UBXN2B: variants seen among roughly 807,000 people sequenced by gnomAD.
UBXN2B encodes UBX domain-containing protein 2B.
A neutral mutation model predicts 37.5 loss-of-function variants in UBXN2B; 19 were observed. The observed-to-expected ratio is 0.51, with a 90% CI of 0.35 to 0.74. The LOEUF (loss-of-function observed/expected upper bound fraction) is 0.74, where lower values mean the gene tolerates loss of function less well. UBXN2B is among the 30% of genes least tolerant of loss of function. UBXN2B has a pLI of 0.01. For missense variants in UBXN2B, 370 were observed against 393.2 expected (o/e 0.94, Z 0.50); for synonymous variants, 145 against 143.8 (o/e 1.01, Z -0.06).
At position 58,449,452 on chromosome 8, in the gene UBXN2B, T is replaced by G. The variant is rs938114505; in HGVS notation, c.*1901T>G. ...TCTGAGTCTCACCAACTCAAAAGTCTCAAATCTCACATTGAAGCCATCTAA... is the reference window on the plus strand; with the variant it reads ...TCTGAGTCTCACCAACTCAAAAGTCGCAAATCTCACATTGAAGCCATCTAA... On this transcript the variant is annotated 3_prime_UTR_variant, in exon 8 of 8. Coordinates refer to ENST00000399598, the MANE Select transcript of UBXN2B (RefSeq NM_001077619.2). The G allele has an allele frequency of 3.9e-5, 6 of 152,198 alleles. No homozygotes were observed. The highest frequency in any genetic ancestry group is 1.2e-4 in the African/African-American group (5 of 41,444). 9.4% of individuals were successfully genotyped at this position (152,198 alleles called of 1,614,324 possible).
At chr8:58,439,005 A>G (rs1385160797) in intron 5 of UBXN2B, among the ~76,000 whole-genome samples, 1 of 152,116 alleles carries the variant, frequency 6.6e-6, no homozygotes, top group Admixed American at 6.5e-5. Flanking sequence ...TGGTTGTTTA[A>G]TAGCCTGGAA....
At position 58,430,567 on chromosome 8, in the gene UBXN2B, T is replaced by G. The variant is rs748474315; in HGVS notation, c.237T>G (p.Pro79=). ...ACAGTGGATTAAATATAGTTCGACC[T>G]TCAACTGGGAAAATTGTGAATGAAC... ...HEYSGLNIVR[P]STGKIVNELF... is the part of the protein sequence containing the mutation. The change falls in exon 3 of 8, where the codon CCT becomes CCG. Residue 79 remains proline (P), a synonymous_variant. Coordinates refer to ENST00000399598, the MANE Select transcript of UBXN2B (RefSeq NM_001077619.2). The G allele has an allele frequency of 1.5e-5, 24 of 1,605,874 alleles. No individual in the cohort carries two copies. The Admixed American group carries it at 4.1e-4, about 27-fold the overall frequency.
chr8:58,431,774 A>G (rs2129604221), intron 3 of UBXN2B, among the ~76,000 whole-genome samples: 1 of 152,318 alleles, frequency 6.6e-6, no homozygotes, highest in Admixed American at 6.5e-5. Context: ...TATAGTGATA[A>G]CATGCCATGG....
intron 2 of UBXN2B, chr8:58,425,670 C>G (rs1808064179): frequency 6.8e-6 from 8 of 1,172,326 alleles, no homozygotes; most frequent in Admixed American, 3.4e-5. Flanking sequence ...AGCTAATTTG[C>G]TTAGTTCTCG....
intron 2 of UBXN2B, chr8:58,425,074 C>A (rs1336933181): frequency 1.3e-6 from 1 of 785,196 alleles, no homozygotes; most frequent in African/African-American, 1.7e-5. Flanking sequence ...CAGCACACCC[C>A]TGGGGTCAAT....
At chr8:58,435,179 G>T in intron 5 of UBXN2B, 2 of 1,301,940 alleles carry the variant, frequency 1.5e-6, no homozygotes, top group South Asian at 3.2e-5. Context: ...GGGGAATTAA[G>T]TTGTAGGAAA....
At chr8:58,433,526 A>G (rs1429494539) in intron 4 of UBXN2B, among the ~76,000 whole-genome samples, 3 of 151,798 alleles carry the variant, frequency 2.0e-5, no homozygotes, top group Admixed American at 1.3e-4. Context: ...TGGAGTCCCA[A>G]CTACTCCAGA....
Position 58,411,361 on chromosome 8 carries a change from A to G in UBXN2B, c.-25A>G. The G allele has an allele frequency of 2.4e-6, 3 of 1,268,372 alleles. No individual in the cohort carries two copies. Among genetic ancestry groups the G allele is most frequent in the Non-Finnish European group, 2.0e-6 (2 of 1,004,312 alleles). 78.6% of individuals were successfully genotyped at this position (1,268,372 alleles called of 1,614,324 possible). A position where few individuals can be genotyped will look rare whatever the true frequency, so the allele number is the denominator to read the frequency against. On this transcript the variant is annotated 5_prime_UTR_variant, in exon 1 of 8. Coordinates refer to ENST00000399598, the MANE Select transcript of UBXN2B (RefSeq NM_001077619.2). ...CGGAAGTTGCGGCAGGTGCGTCCGCAGCGGGCGCCGCTAGCCAGCGGAAGA... is the reference window on the plus strand; with the variant it reads ...CGGAAGTTGCGGCAGGTGCGTCCGCGGCGGGCGCCGCTAGCCAGCGGAAGA...
chr8:58,439,273 T>G (rs1005740183), intron 5 of UBXN2B, among the ~76,000 whole-genome samples: 4 of 152,226 alleles, frequency 2.6e-5, no homozygotes, highest in African/African-American at 9.7e-5. Context: ...TTTTCAGAAC[T>G]TTCTCCGAGG....
At chr8:58,435,011 A>G in intron 5 of UBXN2B, 2 of 1,514,136 alleles carry the variant, frequency 1.3e-6, no homozygotes, top group Admixed American at 2.0e-5. Context: ...ACCCATCCAA[A>G]GAACATTGTA....
chr8:58,448,058 T>G lies in UBXN2B; in HGVS notation c.*507T>G, dbSNP rs1455472842. The G allele has an allele frequency of 6.6e-6, 1 of 152,280 alleles. No homozygotes were observed. Among genetic ancestry groups the G allele is most frequent in the Non-Finnish European group, 1.5e-5 (1 of 68,082 alleles). 9.4% of individuals were successfully genotyped at this position (152,280 alleles called of 1,614,324 possible). On this transcript the variant is annotated 3_prime_UTR_variant, in exon 8 of 8. Coordinates refer to ENST00000399598, the MANE Select transcript of UBXN2B (RefSeq NM_001077619.2). ...TCTCCTATTAAGATTTTACACATCC[T>G]TTTTACTTACTGATTTAGATATATT... is the stretch of plus-strand genomic sequence containing the variant.
At chr8:58,443,250 G>A (rs972887617) in intron 6 of UBXN2B, among the ~76,000 whole-genome samples, 2 of 152,158 alleles carry the variant, frequency 1.3e-5, no homozygotes, top group African/African-American at 4.8e-5. Context: ...CTTCAAGCTG[G>A]TCATTTCCAT....
rs571484616 is a variant in UBXN2B, at chr8:58,450,817, C to T, written c.*3266C>T. On this transcript the variant is annotated 3_prime_UTR_variant, in exon 8 of 8. Coordinates refer to ENST00000399598, the MANE Select transcript of UBXN2B (RefSeq NM_001077619.2). ...GTTTATTTCAAAGAGGTGAATTTAC[C>T]TGTGCTAGGGTTTTCACACTGGGAG... 4 of 152,144 alleles carry T rather than the reference C, an allele frequency of 2.6e-5. No homozygotes were observed. Among genetic ancestry groups the T allele is most frequent in the Non-Finnish European group, 4.4e-5 (3 of 68,036 alleles). The allele number at this position is 152,144 out of a possible 1,614,324, so 9.4% of individuals were successfully genotyped here.
chr8:58,440,879 C>A (rs1051680817), intron 6 of UBXN2B, among the ~76,000 whole-genome samples: 1 of 152,166 alleles, frequency 6.6e-6, no homozygotes, highest in Non-Finnish European at 1.5e-5. Flanking sequence ...AAAGGAAATA[C>A]AGGAATTTAT....
intron 6 of UBXN2B, among the ~76,000 whole-genome samples, chr8:58,445,460 A>G (rs1247793003): frequency 6.6e-6 from 1 of 152,212 alleles, no homozygotes; most frequent in Non-Finnish European, 1.5e-5. Context: ...TAGGCACAAT[A>G]TTAAGGACTT....
Position 58,445,933 on chromosome 8 carries a change from C to T in UBXN2B, c.698C>T (p.Pro233Leu). 1 of 1,609,738 alleles carries T rather than the reference C, an allele frequency of 6.2e-7. No homozygotes were observed. Among genetic ancestry groups the T allele is most frequent in the Non-Finnish European group, 8.5e-7 (1 of 1,178,538 alleles). The change falls in exon 7 of 8, where the codon CCT (proline) becomes CTT (leucine). Residue 233 changes from proline to leucine, a missense_variant. By Grantham distance (98) the Pro-to-Leu change is moderately conservative. This residue lies in a region of UBXN2B where 90 missense variants were observed against 139.4 expected (regional missense o/e 0.65). Coordinates refer to ENST00000399598, the MANE Select transcript of UBXN2B (RefSeq NM_001077619.2). The stretch of plus-strand genomic sequence containing the variant: ...CTTACACCTGAAATAGTCAGTACAC[C>T]TTCCTCTCCAGAAGAGGAGGATAAA... Reference protein sequence around the residue: ...GSLTPEIVSTPSSPEEEDKSI... With the variant: ...GSLTPEIVSTLSSPEEEDKSI...
intron 2 of UBXN2B, chr8:58,426,806 C>T (rs974846033): frequency 1.5e-4 from 90 of 592,364 alleles, no homozygotes; most frequent in South Asian, 5.0e-4. Flanking sequence ...CGGAGCCAGC[C>T]GACTGTGCAC....
chr8:58,420,026 C>T (rs1807886091), intron 2 of UBXN2B, among the ~76,000 whole-genome samples: 1 of 152,166 alleles, frequency 6.6e-6, no homozygotes, highest in Admixed American at 6.5e-5. Context: ...CCTTGAAGAC[C>T]AAGAAGATAA....
intron 5 of UBXN2B, chr8:58,434,915 A>T: frequency 3.9e-6 from 6 of 1,535,610 alleles, no homozygotes; most frequent in Non-Finnish European, 5.2e-6. Context: ...AAATCTTTTA[A>T]TGTGGCATTA....
Sources: allele counts gnomAD v4.1 joint callset (sites outside exome capture counted in the v4.1 genomes callset), GRCh38; gene constraint gnomAD v4.1.1; regional missense constraint gnomAD v4.1.1; transcripts MANE v1.5; gene names NCBI Gene and HGNC (gene_info 2026-07-23, HGNC 2026-07-21).